The following GNAQ variants were observed in gnomAD, a reference collection of about 807,000 sequenced individuals.
GNAQ encodes guanine nucleotide-binding protein G(q) subunit alpha.
A neutral mutation model predicts 43.9 loss-of-function variants in GNAQ; 8 were observed. The ratio of observed to expected loss-of-function variants is 0.18; its 90% confidence interval spans 0.11 to 0.33. GNAQ has a LOEUF of 0.33. Ranked by LOEUF, GNAQ falls within the 10% of genes least tolerant of loss-of-function variation. GNAQ has a pLI of 1.00. For synonymous variants in GNAQ, 155 were observed against 170.7 expected (o/e 0.91, Z 0.71); for missense variants, 158 against 450.8 (o/e 0.35, Z 5.88).
chr9:77,969,196 C>G (rs1823206059), intron 1 of GNAQ, among the ~76,000 whole-genome samples: 2 of 152,134 alleles, frequency 1.3e-5, no homozygotes, highest in East Asian at 3.9e-4. Context: ...TTCAACACCC[C>G]AATTCTCCCT....
intron 2 of GNAQ, among the ~76,000 whole-genome samples, chr9:77,918,365 ATAGT>A (rs1029987451): frequency 1.3e-5 from 2 of 152,224 alleles, no homozygotes; most frequent in African/African-American, 4.8e-5. Flanking sequence ...AATTTCCAAA[ATAGT>A]TATTTATTTT....
At chr9:78,018,669 T>C (rs1460071413) in intron 1 of GNAQ, among the ~76,000 whole-genome samples, 1 of 152,106 alleles carries the variant, frequency 6.6e-6, no homozygotes, top group African/African-American at 2.4e-5. Context: ...CTTTTCTCCT[T>C]ACCAAACTTT....
At chr9:77,968,085 G>A (rs1346199876) in intron 1 of GNAQ, among the ~76,000 whole-genome samples, 4 of 152,118 alleles carry the variant, frequency 2.6e-5, no homozygotes, top group Admixed American at 6.6e-5. Context: ...ACAACTCTGC[G>A]AGTATACTAT....
intron 2 of GNAQ, among the ~76,000 whole-genome samples, chr9:77,874,146 A>G (rs892849057): frequency 7.9e-5 from 12 of 152,206 alleles, no homozygotes; most frequent in African/African-American, 2.4e-4. Flanking sequence ...AAAAACAAGA[A>G]AGAAAAAAAT....
At chr9:77,876,621 T>C (rs12555413) in intron 2 of GNAQ, among the ~76,000 whole-genome samples, 14,430 of 152,192 alleles carry the variant, frequency 0.095, 1,445 homozygotes, top group East Asian at 0.21. Flanking sequence ...TATTAAGGGA[T>C]TTGCTTCCTA....
intron 6 of GNAQ, among the ~76,000 whole-genome samples, chr9:77,727,569 C>T (rs1455147175): frequency 6.6e-6 from 1 of 152,152 alleles, no homozygotes; most frequent in Non-Finnish European, 1.5e-5. Flanking sequence ...AAGAGCTTAA[C>T]ACTGGGTTAC....
chr9:78,022,805 G>C (rs1424633621), intron 1 of GNAQ, among the ~76,000 whole-genome samples: 2 of 152,176 alleles, frequency 1.3e-5, no homozygotes, highest in Non-Finnish European at 2.9e-5. Flanking sequence ...GCAAAGCGCA[G>C]GTCCTAAATA....
intron 2 of GNAQ, among the ~76,000 whole-genome samples, chr9:77,852,365 G>A (rs1429163394): frequency 6.6e-6 from 1 of 152,192 alleles, no homozygotes; most frequent in East Asian, 1.9e-4. Context: ...GAGCTCCAAG[G>A]CATAAGTGCT....
chr9:77,926,685 G>T (rs1479498833), intron 1 of GNAQ, among the ~76,000 whole-genome samples: 2 of 152,074 alleles, frequency 1.3e-5, no homozygotes, highest in Non-Finnish European at 2.9e-5. Flanking sequence ...ACACACAAGG[G>T]TGTGAGTCCC....
At chr9:77,822,643 C>T (rs1477616219) in intron 2 of GNAQ, among the ~76,000 whole-genome samples, 4 of 143,322 alleles carry the variant, frequency 2.8e-5, no homozygotes, top group Admixed American at 6.9e-5. Context: ...AAAAAAAAGG[C>T]CCAAATGCTC....
chr9:77,808,107 G>A (rs545363126), intron 3 of GNAQ, among the ~76,000 whole-genome samples: 75 of 152,098 alleles, frequency 4.9e-4, no homozygotes, highest in Non-Finnish European at 8.1e-4. Context: ...CCAAATAAAC[G>A]TCCTGATAAA....
At chr9:77,939,612 A>G (rs1336379387) in intron 1 of GNAQ, among the ~76,000 whole-genome samples, 7 of 152,226 alleles carry the variant, frequency 4.6e-5, no homozygotes, top group Non-Finnish European at 1.0e-4. Flanking sequence ...GCAAAGAAAA[A>G]AACAGAAAAA....
intron 2 of GNAQ, among the ~76,000 whole-genome samples, chr9:77,870,357 GT>G (rs1554722013): frequency 2.4e-5 from 3 of 123,560 alleles, no homozygotes; most frequent in African/African-American, 9.7e-5. Flanking sequence ...TTTAGACGGA[GT>G]TTTGCTCTGT....
Position 77,742,376 on chromosome 9 carries a change from T to C in GNAQ, c.736-13709A>G, listed in dbSNP as rs376761201. Among the ~76,000 whole-genome samples the C allele has an allele frequency of 3.2e-4, 49 of 152,312 alleles. 1 individual carries two copies. The South Asian group carries it at 8.5e-3, about 26-fold the overall frequency. ...ACTACGCATTTTTTGACAAAAAGTA[T>C]TAATTACACCCATGAAAAACTGAGA... On this transcript the variant is annotated intron_variant, in intron 5 of 6. Transcript: ENST00000286548.
At chr9:77,820,575 A>G (rs1008172056) in intron 2 of GNAQ, among the ~76,000 whole-genome samples, 11 of 152,202 alleles carry the variant, frequency 7.2e-5, no homozygotes, top group African/African-American at 2.7e-4. Flanking sequence ...CAGCCTTTTG[A>G]AGCCCCTCAT....
intron 2 of GNAQ, among the ~76,000 whole-genome samples, chr9:77,850,140 C>T (rs1040695120): frequency 7.2e-5 from 11 of 152,238 alleles, no homozygotes; most frequent in African/African-American, 2.2e-4. Context: ...CCCCTTCAAT[C>T]GCAGCATGTC....
chr9:77,918,324 C>T (rs1828945379), intron 2 of GNAQ, among the ~76,000 whole-genome samples: 1 of 152,146 alleles, frequency 6.6e-6, no homozygotes, highest in South Asian at 2.1e-4. Context: ...AGAAGCTTTA[C>T]TAAAAACCAA....
chr9:78,018,599 G>T (rs1210095215), intron 1 of GNAQ, among the ~76,000 whole-genome samples: 5 of 152,078 alleles, frequency 3.3e-5, no homozygotes, highest in Admixed American at 2.0e-4. Context: ...AGAACATTAA[G>T]TGGAAGAAAA....
At chr9:77,857,364 C>T (rs909001361) in intron 2 of GNAQ, among the ~76,000 whole-genome samples, 2 of 152,170 alleles carry the variant, frequency 1.3e-5, no homozygotes, top group Non-Finnish European at 2.9e-5. Context: ...CCATTTTTAA[C>T]ATTACACTTC....
Sources: allele counts gnomAD v4.1 joint callset (sites outside exome capture counted in the v4.1 genomes callset), GRCh38; gene constraint gnomAD v4.1.1; transcripts MANE v1.5; gene names NCBI Gene and HGNC (gene_info 2026-07-23, HGNC 2026-07-21).